HPCAL1: variants seen among roughly 807,000 people sequenced by gnomAD.
HPCAL1 encodes the protein hippocalcin like 1, also known as hippocalcin-like protein 1.
In HPCAL1, 8 loss-of-function variants were observed where a neutral mutation model predicts 17.1. That is an observed-to-expected ratio of 0.47 (90% CI 0.27 to 0.84). The LOEUF (loss-of-function observed/expected upper bound fraction) is 0.84, where lower values mean the gene tolerates loss of function less well. HPCAL1 is among the 40% of genes least tolerant of loss of function. The pLI, the probability that HPCAL1 is intolerant of heterozygous loss-of-function variation, is 0.13. For missense variants in HPCAL1, 165 were observed against 271.1 expected, an observed-to-expected ratio of 0.61 and a Z score of 2.75; for synonymous variants, 112 against 111.4, an observed-to-expected ratio of 1.01 and a Z score of -0.03.
intron 1 of HPCAL1, among the ~76,000 whole-genome samples, chr2:10,337,193 T>G (rs991638976): frequency 7.2e-5 from 11 of 152,082 alleles, no homozygotes; most frequent in African/African-American, 2.7e-4. Flanking sequence ...ACCCCTCCCA[T>G]AGGGAGGCCA....
At chr2:10,334,310 CTGTTTTGTTT>C (rs1021188809) in intron 1 of HPCAL1, among the ~76,000 whole-genome samples, 3 of 148,234 alleles carry the variant, frequency 2.0e-5, no homozygotes, top group South Asian at 2.1e-4. Context: ...TAGCAAGACC[CTGTTTTGTTT>C]TGTTTTGTTT....
intron 1 of HPCAL1, among the ~76,000 whole-genome samples, chr2:10,311,570 G>A (rs1359712020): frequency 1.3e-5 from 2 of 152,172 alleles, no homozygotes; most frequent in African/African-American, 2.4e-5. Flanking sequence ...ATTGTAAGGT[G>A]AAAGGTTATG....
At chr2:10,333,752 T>C (rs1243419783) in intron 1 of HPCAL1, among the ~76,000 whole-genome samples, 1 of 152,192 alleles carries the variant, frequency 6.6e-6, no homozygotes. Flanking sequence ...CCCACCTCCA[T>C]ATAACTTTTA....
intron 1 of HPCAL1, among the ~76,000 whole-genome samples, chr2:10,328,900 C>G (rs376747403): frequency 6.6e-6 from 1 of 152,144 alleles, no homozygotes; most frequent in East Asian, 1.9e-4. Flanking sequence ...ACCCCACCCC[C>G]ACTCCCTTCC....
chr2:10,383,676 C>CA (rs79560781), intron 1 of HPCAL1, among the ~76,000 whole-genome samples: 20,366 of 127,976 alleles, frequency 0.16, 2,226 homozygotes, highest in East Asian at 0.51. Context: ...GACCCTTTCT[C>CA]AAAAAAAAAA....
intron 1 of HPCAL1, among the ~76,000 whole-genome samples, chr2:10,353,387 G>A (rs915015489): frequency 2.6e-5 from 4 of 152,168 alleles, no homozygotes; most frequent in African/African-American, 9.7e-5. Context: ...AGCCCCCAGT[G>A]CCATCCTTCT....
chr2:10,406,716 C>T (rs1669993494), intron 2 of HPCAL1, among the ~76,000 whole-genome samples: 1 of 152,258 alleles, frequency 6.6e-6, no homozygotes, highest in Admixed American at 6.5e-5. Context: ...CTGCTCCCCG[C>T]CTGGCATCCG....
chr2:10,348,470 GA>G lies in HPCAL1; in HGVS notation c.-111+45299del, dbSNP rs1164492558. ...TCTCAAAAAACAAAAAACAACAACAGAAAAAACTCTGGGCCAGCTGTGGTGG... is the reference window on the plus strand; with the variant it reads ...TCTCAAAAAACAAAAAACAACAACAGAAAAACTCTGGGCCAGCTGTGGTGG... On this transcript the variant is annotated intron_variant, in intron 1 of 4. Coordinates refer to ENST00000307845, the MANE Select transcript of HPCAL1 (RefSeq NM_002149.4). 3.3e-5 allele frequency among the ~76,000 whole-genome samples: 5 copies of G among 151,618 alleles called. No homozygotes were observed. In the East Asian group the frequency reaches 7.8e-4, roughly 24 times the overall value.
chr2:10,424,812 G>A (rs546694873), intron 4 of HPCAL1: 1 of 365,808 alleles, frequency 2.7e-6, no homozygotes, highest in East Asian at 7.4e-5. Flanking sequence ...CTCCTCCGGG[G>A]ACTGCTCAGG....
intron 2 of HPCAL1, among the ~76,000 whole-genome samples, chr2:10,414,117 G>A (rs1361491264): frequency 1.3e-5 from 2 of 152,246 alleles, no homozygotes; most frequent in African/African-American, 4.8e-5. Flanking sequence ...GGTGAAGCGT[G>A]ACTAATAGGT....
At chr2:10,378,224 T>G (rs946635073) in intron 1 of HPCAL1, among the ~76,000 whole-genome samples, 1 of 21,378 alleles carries the variant, frequency 4.7e-5, no homozygotes, top group East Asian at 0.016. Flanking sequence ...TGGTTTCATG[T>G]TTTTTTTTTT....
intron 1 of HPCAL1, among the ~76,000 whole-genome samples, chr2:10,353,205 C>T (rs137962398): frequency 1.4e-4 from 21 of 152,286 alleles, no homozygotes; most frequent in African/African-American, 4.6e-4. Context: ...GTGTTTTGGG[C>T]GTGCTGGGCA....
chr2:10,379,625 A>G (rs1667817846), intron 1 of HPCAL1, among the ~76,000 whole-genome samples: 1 of 152,170 alleles, frequency 6.6e-6, no homozygotes, highest in African/African-American at 2.4e-5. Flanking sequence ...TAACCATGCC[A>G]GCAGTTCCCC....
In HPCAL1 at chr2:10,419,635, C is replaced by T. The variant is rs2148030881; in HGVS notation, c.-24-99C>T. 2.5e-6 allele frequency: 3 copies of T among 1,196,914 alleles called. No individual in the cohort carries two copies. Among genetic ancestry groups the T allele is most frequent in the South Asian group, 1.6e-5 (1 of 63,986 alleles). 74.1% of individuals were successfully genotyped at this position (1,196,914 alleles called of 1,614,324 possible). ...GGACCCGGGAGTTGCTGAGTCGCAG[C>T]GCTTGCACAGCGATGGGCTTATTTG... On this transcript the variant is annotated intron_variant, in intron 2 of 4. Transcript: ENST00000307845. This position sits in a 1 kb window ranked among gnomAD's most constrained non-coding sequence, Gnocchi z 5.0.
In HPCAL1 at chr2:10,384,325, G is replaced by A. The variant is rs1481001388; in HGVS notation, c.-110-12510G>A. On this transcript the variant is annotated intron_variant, in intron 1 of 4. Coordinates refer to ENST00000307845, the MANE Select transcript of HPCAL1 (RefSeq NM_002149.4). This position sits in a 1 kb window ranked among gnomAD's most constrained non-coding sequence, Gnocchi z 4.4. ...ATACCCCTTGTGGGAGGAGAGGGGTGGAGGGAGAGAACACCCTCCACACAT... is the reference window on the plus strand; with the variant it reads ...ATACCCCTTGTGGGAGGAGAGGGGTAGAGGGAGAGAACACCCTCCACACAT... 1.3e-5 allele frequency among the ~76,000 whole-genome samples: 2 copies of A among 152,138 alleles called. No homozygotes were observed. The highest frequency in any genetic ancestry group is 1.3e-4 in the Admixed American group (2 of 15,288).
intron 1 of HPCAL1, among the ~76,000 whole-genome samples, chr2:10,337,674 C>CCTGCT (rs1453838943): frequency 1.3e-5 from 2 of 152,148 alleles, no homozygotes; most frequent in East Asian, 3.9e-4. Flanking sequence ...AGACCCTGGC[C>CCTGCT]CTGCTCTGTT....
Position 10,384,807 on chromosome 2 carries a change from A to C in HPCAL1, c.-110-12028A>C, listed in dbSNP as rs555011218. On this transcript the variant is annotated intron_variant, in intron 1 of 4. Coordinates refer to ENST00000307845, the MANE Select transcript of HPCAL1 (RefSeq NM_002149.4). This position sits in a 1 kb window ranked among gnomAD's most constrained non-coding sequence, Gnocchi z 4.4. ...TGTGAAGTGAGCTGAGCAGACTGAA[A>C]TCAAAGATGTGAAAATAAAGATAGA... Among the ~76,000 whole-genome samples, 1 of 152,286 alleles carries C rather than the reference A, an allele frequency of 6.6e-6. No homozygotes were observed. Among genetic ancestry groups the C allele is most frequent in the Non-Finnish European group, 1.5e-5 (1 of 68,026 alleles).
Position 10,423,046 on chromosome 2 carries a change from C to A in HPCAL1, c.442C>A (p.Arg148Ser), listed in dbSNP as rs764174868. Residue 148 changes from arginine (R) to serine (S), a missense_variant, in exon 4 of 5, where the codon CGC (arginine) becomes AGC (serine). Arg to Ser is a moderately radical substitution (Grantham distance 110, BLOSUM62 -1). Transcript: ENST00000307845. The part of the protein sequence containing the change: ...MPEDESTPEK[R>S]TDKIFRQMDT... Reference sequence around the variant, plus strand: ...GGAGGATGAGTCCACCCCGGAGAAGCGCACAGACAAGATCTTCAGGCAGAT... The same window carrying A: ...GGAGGATGAGTCCACCCCGGAGAAGAGCACAGACAAGATCTTCAGGCAGAT... 3 of 1,613,514 alleles carry A rather than the reference C, an allele frequency of 1.9e-6. No individual in the cohort carries two copies. Among genetic ancestry groups the A allele is most frequent in the Non-Finnish European group, 2.5e-6 (3 of 1,179,864 alleles).
At chr2:10,368,035 T>C (rs1318987038) in intron 1 of HPCAL1, among the ~76,000 whole-genome samples, 1 of 151,886 alleles carries the variant, frequency 6.6e-6, no homozygotes, top group African/African-American at 2.4e-5. Flanking sequence ...GTGCATATGG[T>C]GACCTCAGTT....
Sources: allele counts gnomAD v4.1 joint callset (sites outside exome capture counted in the v4.1 genomes callset), GRCh38; gene constraint gnomAD v4.1.1; non-coding constraint Gnocchi (gnomAD v3.1); transcripts MANE v1.5; gene names NCBI Gene and HGNC (gene_info 2026-07-23, HGNC 2026-07-21).